Variants in SGTB observed in about 807,000 individuals in gnomAD.
SGTB encodes small glutamine rich tetratricopeptide repeat co-chaperone beta.
SGTB carries 19 observed loss-of-function variants against 43.9 expected under a neutral mutation model. The observed-to-expected ratio is 0.43, with a 90% CI of 0.30 to 0.63. The LOEUF is 0.63. Among genes scored for constraint, SGTB ranks in the 30% least tolerant of loss-of-function variants. The pLI is 0.12. For missense variants in SGTB, 304 were observed against 358.9 expected (o/e 0.85, Z 1.24); for synonymous variants, 116 against 117.3 (o/e 0.99, Z 0.07).
At chr5:65,700,985 G>A (rs527741740) in intron 5 of SGTB, among the ~76,000 whole-genome samples, 1 of 139,546 alleles carries the variant, frequency 7.2e-6, no homozygotes, top group Non-Finnish European at 1.5e-5. Context: ...ACTCCAGCCT[G>A]GGCAACAGAG....
Position 65,685,344 on chromosome 5 carries a change from T to C in SGTB, c.479+24A>G, listed in dbSNP as rs767637870. 68 of 1,605,856 alleles carry C rather than the reference T, an allele frequency of 4.2e-5. 1 individual carries two copies. The Middle Eastern group carries it at 5.0e-4, about 12-fold the overall frequency. On this transcript the variant is annotated intron_variant, in intron 6 of 10. Coordinates refer to ENST00000381007, the MANE Select transcript of SGTB (RefSeq NM_019072.3). ...CATACCTGATGCTACATGGTACTACTTGGAACATCCTCCCAGAACTTACCC... is the reference window on the plus strand; with the variant it reads ...CATACCTGATGCTACATGGTACTACCTGGAACATCCTCCCAGAACTTACCC...
At chr5:65,720,949 A>C in intron 1 of SGTB, 120 bp from the exon 2 acceptor site, 1 of 985,344 alleles carries the variant, frequency 1.0e-6, no homozygotes, top group Non-Finnish European at 1.4e-6. Context: ...AAAACACAAA[A>C]CTGTATGACC....
At chr5:65,679,365 G>A (rs987179872) in intron 8 of SGTB, among the ~76,000 whole-genome samples, 5 of 152,134 alleles carry the variant, frequency 3.3e-5, no homozygotes, top group African/African-American at 7.2e-5. Context: ...GCTCATGCCC[G>A]TAATCCCAGC....
intron 2 of SGTB, among the ~76,000 whole-genome samples, chr5:65,713,310 CCTTT>C (rs1561167445): frequency 6.6e-6 from 1 of 152,000 alleles, no homozygotes; most frequent in Non-Finnish European, 1.5e-5. Flanking sequence ...CCCTTCCCTC[CCTTT>C]CTTTCTTTCT....
intron 8 of SGTB, 77 bp from the exon 9 acceptor site, chr5:65,672,358 G>A (rs978512172): frequency 6.4e-7 from 1 of 1,567,964 alleles, no homozygotes; most frequent in Non-Finnish European, 8.8e-7. Flanking sequence ...TTTTTTAGAA[G>A]AATGAAAGCT....
At chr5:65,706,597 C>T (rs542334359) in intron 4 of SGTB, among the ~76,000 whole-genome samples, 5 of 152,092 alleles carry the variant, frequency 3.3e-5, no homozygotes, top group South Asian at 4.2e-4. Flanking sequence ...TTTGGGAGGC[C>T]GAGGTGGGTG....
intron 3 of SGTB, among the ~76,000 whole-genome samples, chr5:65,709,226 T>C (rs1344481442): frequency 1.3e-5 from 2 of 152,084 alleles, no homozygotes; most frequent in African/African-American, 2.4e-5. Context: ...TAATATCCTA[T>C]CTAAGATATA....
chr5:65,679,236 A>G (rs966812129), intron 8 of SGTB, among the ~76,000 whole-genome samples: 8 of 152,266 alleles, frequency 5.3e-5, no homozygotes, highest in Non-Finnish European at 1.0e-4. Context: ...AAACATATGA[A>G]AAAACAGCTC....
chr5:65,712,157 C>A (rs780316612), intron 3 of SGTB, among the ~76,000 whole-genome samples: 1 of 152,154 alleles, frequency 6.6e-6, no homozygotes, highest in Non-Finnish European at 1.5e-5. Flanking sequence ...GTCCCAGCTA[C>A]TCACGAGTCT....
At position 65,674,063 on chromosome 5, in the gene SGTB, G is replaced by A. The variant is rs907350764; in HGVS notation, c.682-1782C>T. On this transcript the variant is annotated intron_variant, in intron 8 of 10. Transcript: ENST00000381007. The stretch of plus-strand genomic sequence containing the variant: ...GGTTAAATGGAGGGAAAGGTGAAAG[G>A]AGCAGCAAAGTTCTTATTTGATGAC... Among the ~76,000 whole-genome samples, 3 of 152,146 alleles carry A rather than the reference G, an allele frequency of 2.0e-5. No individual in the cohort carries two copies. The East Asian group carries it at 5.8e-4, about 29-fold the overall frequency.
chr5:65,693,413 A>G (rs77552569), intron 5 of SGTB, among the ~76,000 whole-genome samples: 1 of 137,168 alleles, frequency 7.3e-6, no homozygotes, highest in African/African-American at 2.7e-5. Context: ...GAAGGAAGGA[A>G]GGAGAGAGAG....
intron 5 of SGTB, among the ~76,000 whole-genome samples, chr5:65,688,776 T>C (rs539659921): frequency 3.3e-5 from 5 of 152,300 alleles, no homozygotes; most frequent in African/African-American, 9.6e-5. Context: ...AAGTGTTTCA[T>C]ATATGGCTAC....
chr5:65,704,343 C>T lies in SGTB; in HGVS notation c.310G>A (p.Ala104Thr). The T allele has an allele frequency of 1.2e-6, 2 of 1,612,654 alleles. No homozygotes were observed. Among genetic ancestry groups the T allele is most frequent in the East Asian group, 2.2e-5 (1 of 44,700 alleles). ...ATTGCCTGTGTGTAACAATCCACTG[C>T]AGCAGCATAATTTTCTTCTTTCATG... ...NHMKEENYAA[A>T]VDCYTQAIEL... The change falls in exon 5 of 11, where the codon GCA becomes ACA. Residue 104 changes from alanine (A) to threonine (T), a missense_variant. Ala to Thr is a moderately conservative substitution (Grantham distance 58). Coordinates refer to ENST00000381007, the MANE Select transcript of SGTB (RefSeq NM_019072.3).
intron 2 of SGTB, among the ~76,000 whole-genome samples, chr5:65,716,145 C>T (rs1168627974): frequency 1.3e-5 from 2 of 152,106 alleles, no homozygotes; most frequent in South Asian, 2.1e-4. Context: ...TTAAAGGAGA[C>T]GGGGGTGTTA....
Position 65,671,909 on chromosome 5 carries a change from A to G in SGTB, c.803+6T>C, listed in dbSNP as rs897322446. ...CTTCACTATTTCTGTTTTAAATAAT[A>G]CTTACGCTTGGATGAGGCTTGACAG... On this transcript the variant is annotated splice_donor_region_variant and intron_variant, in intron 10 of 10. Coordinates refer to ENST00000381007, the MANE Select transcript of SGTB (RefSeq NM_019072.3). 1.2e-5 allele frequency: 19 copies of G among 1,612,936 alleles called. No individual in the cohort carries two copies. The highest frequency in any genetic ancestry group is 1.5e-5 in the Non-Finnish European group (18 of 1,179,404).
At chr5:65,699,648 G>A (rs1259435345) in intron 5 of SGTB, among the ~76,000 whole-genome samples, 3 of 152,126 alleles carry the variant, frequency 2.0e-5, no homozygotes, top group African/African-American at 7.2e-5. Flanking sequence ...TTGCTTTTTA[G>A]TAGAGACAGG....
chr5:65,718,809 T>C (rs1256084745), intron 2 of SGTB, among the ~76,000 whole-genome samples: 1 of 152,152 alleles, frequency 6.6e-6, no homozygotes, highest in Admixed American at 6.5e-5. Context: ...AGGCACATAT[T>C]TTTGGCTGAA....
intron 8 of SGTB, 47 bp from the exon 9 acceptor site, chr5:65,672,328 G>C: frequency 6.3e-7 from 1 of 1,580,934 alleles, no homozygotes; most frequent in Non-Finnish European, 8.6e-7. Flanking sequence ...TTAATATGTA[G>C]GGATCTTAGC....
At position 65,666,748 on chromosome 5, in the gene SGTB, T is replaced by C. The variant is rs1757047917; in HGVS notation, c.*3498A>G. 6.6e-6 allele frequency: 1 copy of C among 152,170 alleles called. No homozygotes were observed. The highest frequency in any genetic ancestry group is 6.5e-5 in the Admixed American group (1 of 15,288). 9.4% of individuals were successfully genotyped at this position (152,170 alleles called of 1,614,324 possible). A position where few individuals can be genotyped will look rare whatever the true frequency, so the allele number is the denominator to read the frequency against. Reference sequence around the variant, plus strand: ...TGGACAGATAGCATCTAGATTGAATTTGTTACAGGTGGTATATTAGCAAAG... The same window carrying C: ...TGGACAGATAGCATCTAGATTGAATCTGTTACAGGTGGTATATTAGCAAAG... On this transcript the variant is annotated 3_prime_UTR_variant, in exon 11 of 11. Transcript: ENST00000381007.
Sources: gnomAD v4.1 joint callset for allele counts (sites outside exome capture counted in the v4.1 genomes callset) on GRCh38, gnomAD v4.1.1 for gene constraint, MANE v1.5 for transcripts, NCBI Gene and HGNC (gene_info 2026-07-23, HGNC 2026-07-21) for gene names.